Variants in CEP85L observed in about 807,000 individuals in gnomAD.
CEP85L encodes the protein centrosomal protein of 85 kDa-like.
CEP85L carries 60 observed loss-of-function variants against 100.3 expected under a neutral mutation model. The ratio of observed to expected loss-of-function variants is 0.60; its 90% CI spans 0.49 to 0.74. CEP85L has a LOEUF of 0.74. CEP85L is among the 30% of genes least tolerant of loss of function. CEP85L has a pLI of 0.00. For missense variants in CEP85L, 973 were observed against 936.2 expected (o/e 1.04, Z -0.51); for synonymous variants, 319 against 322.7 (o/e 0.99, Z 0.12).
In CEP85L at chr6:118,505,127, A is replaced by G. The variant is rs144622402; in HGVS notation, c.1257+6171T>C. Among the ~76,000 whole-genome samples the G allele has an allele frequency of 3.8e-3, 581 of 152,120 alleles. 3 individuals carry two copies. Among genetic ancestry groups the G allele is most frequent in the African/African-American group, 0.013 (555 of 41,480 alleles). On this transcript the variant is annotated intron_variant, in intron 5 of 12. Coordinates refer to ENST00000368491, the MANE Select transcript of CEP85L (RefSeq NM_001042475.3). Reference sequence around the variant, plus strand: ...GCCTAAAACTGCTCTAAAAAATAAAATTCATAAATTTTCAAAAAGTTATCA... The same window carrying G: ...GCCTAAAACTGCTCTAAAAAATAAAGTTCATAAATTTTCAAAAAGTTATCA...
chr6:118,461,855 AATGAT>A lies in CEP85L; in HGVS notation c.*3545_*3549del, dbSNP rs1176961890. On this transcript the variant is annotated 3_prime_UTR_variant, in exon 13 of 13. Coordinates refer to ENST00000368491, the MANE Select transcript of CEP85L (RefSeq NM_001042475.3). ...CTTATTACCATAATTACATATCTAC[AATGAT>A]ATAATTCCTACGTAAGAGAATGCCA... 18 of 152,104 alleles carry A rather than the reference AATGAT, an allele frequency of 1.2e-4. No homozygotes were observed. The highest frequency in any genetic ancestry group is 1.2e-3 in the Admixed American group (18 of 15,278). The allele number at this position is 152,104 out of a possible 1,614,324, so 9.4% of individuals were successfully genotyped here.
intron 3 of CEP85L, among the ~76,000 whole-genome samples, chr6:118,534,080 G>A (rs1323608931): frequency 6.6e-6 from 1 of 151,988 alleles, no homozygotes; most frequent in African/African-American, 2.4e-5. Flanking sequence ...CCCGCCTGGA[G>A]AACAGAGTGA....
rs1024274813 is a variant in CEP85L, at chr6:118,651,295, A to G, written c.-26T>C. The G allele has an allele frequency of 6.8e-7, 1 of 1,466,544 alleles. No homozygotes were observed. Among genetic ancestry groups the G allele is most frequent in the Non-Finnish European group, 9.0e-7 (1 of 1,112,094 alleles). 90.8% of individuals were successfully genotyped at this position (1,466,544 alleles called of 1,614,324 possible). A position where few individuals can be genotyped will look rare whatever the true frequency, so the allele number is the denominator to read the frequency against. ...CGCGGGCGAGAGGGCCGGGTGGGCCAGGGACGCCCGACTCCTCACGTCCGT... is the reference window on the plus strand; with the variant it reads ...CGCGGGCGAGAGGGCCGGGTGGGCCGGGGACGCCCGACTCCTCACGTCCGT... On this transcript the variant is annotated 5_prime_UTR_variant, in exon 1 of 13. Transcript: ENST00000368491.
At chr6:118,676,655 C>T (rs965779201) in intron 1 of CEP85L, among the ~76,000 whole-genome samples, 3 of 152,178 alleles carry the variant, frequency 2.0e-5, no homozygotes, top group Admixed American at 6.5e-5. Context: ...CATTGAAGTG[C>T]AGATATCTCT....
intron 10 of CEP85L, among the ~76,000 whole-genome samples, chr6:118,473,558 T>C (rs1344014195): frequency 1.3e-5 from 2 of 148,270 alleles, no homozygotes; most frequent in Non-Finnish European, 3.0e-5. Flanking sequence ...CTTTGATTTT[T>C]ATTCTGGAAA....
chr6:118,597,299 T>C (rs564190712), intron 2 of CEP85L, among the ~76,000 whole-genome samples: 50 of 152,236 alleles, frequency 3.3e-4, no homozygotes, highest in Non-Finnish European at 6.3e-4. Flanking sequence ...TAAATAACAG[T>C]ACCTACTAAT....
chr6:118,549,968 T>C (rs1393015404), intron 3 of CEP85L, among the ~76,000 whole-genome samples: 2 of 151,966 alleles, frequency 1.3e-5, no homozygotes, highest in Non-Finnish European at 2.9e-5. Flanking sequence ...GTGTCCCAAC[T>C]AGTTCATCTA....
chr6:118,678,369 G>A (rs1776545262), intron 1 of CEP85L, among the ~76,000 whole-genome samples: 1 of 152,158 alleles, frequency 6.6e-6, no homozygotes, highest in African/African-American at 2.4e-5. Flanking sequence ...GCTACAATTT[G>A]AGGGTTGTCT....
At chr6:118,569,036 C>T (rs554282586) in intron 2 of CEP85L, among the ~76,000 whole-genome samples, 1 of 151,782 alleles carries the variant, frequency 6.6e-6, no homozygotes, top group African/African-American at 2.4e-5. Context: ...AATTTCAAAA[C>T]TATTATATAG....
intron 3 of CEP85L, among the ~76,000 whole-genome samples, chr6:118,557,829 T>C (rs746098944): frequency 2.0e-5 from 3 of 152,250 alleles, no homozygotes; most frequent in Non-Finnish European, 2.9e-5. Flanking sequence ...CGTATTTGAA[T>C]TGTTTTTGAT....
intron 3 of CEP85L, 29 bp downstream of exon 3, chr6:118,565,500 G>A: frequency 6.2e-7 from 1 of 1,605,258 alleles, no homozygotes; most frequent in Non-Finnish European, 8.5e-7. Flanking sequence ...TCCACTGGAG[G>A]GAAGCAAACA....
upstream of CEP85L, chr6:118,651,610 G>A (rs1775568240): frequency 9.6e-7 from 1 of 1,040,930 alleles, no homozygotes; most frequent in African/African-American, 1.7e-5. Flanking sequence ...TCCGCCGGCA[G>A]AGCCAGAGCC....
chr6:118,536,790 G>C (rs1777621096), intron 3 of CEP85L, among the ~76,000 whole-genome samples: 1 of 152,124 alleles, frequency 6.6e-6, no homozygotes, highest in Admixed American at 6.5e-5. Flanking sequence ...AACTCTAGGA[G>C]AACAAAGAAG....
chr6:118,527,559 A>T (rs1277789427), intron 3 of CEP85L, among the ~76,000 whole-genome samples: 2 of 152,212 alleles, frequency 1.3e-5, no homozygotes, highest in African/African-American at 4.8e-5. Context: ...CTACTTAATG[A>T]AACTCCGCAT....
chr6:118,674,865 T>C (rs905610894), intron 1 of CEP85L, among the ~76,000 whole-genome samples: 9 of 152,174 alleles, frequency 5.9e-5, no homozygotes, highest in Non-Finnish European at 1.2e-4. Flanking sequence ...CTGGTGGAAA[T>C]GTAAAATGAT....
intron 6 of CEP85L, 199 bp downstream of exon 6, chr6:118,491,487 A>C: frequency 7.5e-7 from 1 of 1,334,080 alleles, no homozygotes; most frequent in Non-Finnish European, 9.6e-7. Context: ...AAGATATACA[A>C]GAGCATTTCT....
At chr6:118,541,576 T>TA (rs1209740850) in intron 3 of CEP85L, among the ~76,000 whole-genome samples, 1 of 152,134 alleles carries the variant, frequency 6.6e-6, no homozygotes, top group Non-Finnish European at 1.5e-5. Context: ...TCTACAAACT[T>TA]AAAGAGGGCT....
chr6:118,473,075 T>C (rs1773085955), intron 10 of CEP85L, among the ~76,000 whole-genome samples: 1 of 152,224 alleles, frequency 6.6e-6, no homozygotes, highest in African/African-American at 2.4e-5. Context: ...TTACTGCATA[T>C]ATACACACAT....
chr6:118,505,868 T>C (rs1775625040), intron 5 of CEP85L, among the ~76,000 whole-genome samples: 2 of 152,204 alleles, frequency 1.3e-5, no homozygotes, highest in Admixed American at 1.3e-4. Flanking sequence ...GGAGTGATCC[T>C]AATATAAACT....
Sources: allele counts gnomAD v4.1 joint callset (sites outside exome capture counted in the v4.1 genomes callset), GRCh38; gene constraint gnomAD v4.1.1; transcripts MANE v1.5; gene names NCBI Gene and HGNC (gene_info 2026-07-23, HGNC 2026-07-21).